UNC5CL: variants seen among roughly 807,000 people sequenced by gnomAD.
UNC5CL encodes UNC5C-like protein.
UNC5CL carries 42 observed loss-of-function variants against 54.1 expected under a neutral mutation model. The ratio of observed to expected loss-of-function variants is 0.78; its 90% confidence interval spans 0.61 to 1.00. UNC5CL has a LOEUF of 1.00. Among genes scored for constraint, UNC5CL ranks in the 50% least tolerant of loss-of-function variants. The pLI, the probability that UNC5CL is intolerant of heterozygous loss-of-function variation, is 0.00. For synonymous variants in UNC5CL, 285 were observed against 285.1 expected (o/e 1.00, Z 0.00); for missense variants, 619 against 675.6 (o/e 0.92, Z 0.93).
chr6:41,032,987 G>T lies in UNC5CL; in HGVS notation c.846C>A (p.Thr282=), dbSNP rs1762473701. ...GGCGCCCACCATGGGGCTGCTCGTT[G>T]GTCAGTGCCCACTGCAGGGCGCAGG... ...NTPCALQWAL[T]NEQPHGGRLR... Residue 282 remains threonine (T), a synonymous_variant, in exon 4 of 9, where the codon ACC becomes ACA. Coordinates refer to ENST00000244565, the MANE Select transcript of UNC5CL (RefSeq NM_173561.3). The T allele has an allele frequency of 1.2e-6, 2 of 1,604,502 alleles. 1 individual carries two copies. The highest frequency in any genetic ancestry group is 2.2e-5 in the South Asian group (2 of 89,400).
At chr6:41,035,246 C>T (rs574172630) in intron 1 of UNC5CL, 111 bp from the exon 2 acceptor site, 1 of 742,314 alleles carries the variant, frequency 1.3e-6, no homozygotes, top group South Asian at 2.8e-5. Flanking sequence ...ACACTGCACA[C>T]TTTAGTCACA....
chr6:41,035,082 G>A lies in UNC5CL; in HGVS notation c.-8C>T. 1 of 1,547,158 alleles carries A rather than the reference G, an allele frequency of 6.5e-7. No homozygotes were observed. Among genetic ancestry groups the A allele is most frequent in the Non-Finnish European group, 8.7e-7 (1 of 1,143,342 alleles). ...ACTCTCCTGGGGGCACATTCGCCTG[G>A]TTACTCAATGCCGCTGGCTCTCCTT... On this transcript the variant is annotated 5_prime_UTR_variant, in exon 2 of 9. Transcript: ENST00000244565.
intron 1 of UNC5CL, among the ~76,000 whole-genome samples, chr6:41,038,696 G>C (rs1027154257): frequency 2.6e-5 from 4 of 152,140 alleles, no homozygotes; most frequent in Admixed American, 6.5e-5. Context: ...AGATCACCCT[G>C]GGTAGCGGGT....
In UNC5CL at chr6:41,033,946, C is replaced by T. The variant is rs1453371359; in HGVS notation, c.621G>A (p.Arg207=). ...NTTLLDAKVW[R]PLGRPGAHAS... is the part of the protein sequence containing the mutation. ...CGTGGGCCCCCGGCCGCCCCAGGGG[C>T]CTCCATACCTTGGCATCCAGCAGGG... The change falls in exon 3 of 9, where the codon AGG becomes AGA. Residue 207 remains arginine, a synonymous_variant. Transcript: ENST00000244565. 6.2e-7 allele frequency: 1 copy of T among 1,613,974 alleles called. No individual in the cohort carries two copies. Among genetic ancestry groups the T allele is most frequent in the African/African-American group, 1.3e-5 (1 of 74,932 alleles).
Position 41,035,097 on chromosome 6 carries a change from T to C in UNC5CL, c.-23A>G. On this transcript the variant is annotated 5_prime_UTR_variant, in exon 2 of 9. Transcript: ENST00000244565. ...CATTCGCCTGGTTACTCAATGCCGCTGGCTCTCCTTCACCCCTGTGCCAGC... is the reference window on the plus strand; with the variant it reads ...CATTCGCCTGGTTACTCAATGCCGCCGGCTCTCCTTCACCCCTGTGCCAGC... 1.3e-6 allele frequency: 2 copies of C among 1,537,694 alleles called. No homozygotes were observed. Among genetic ancestry groups the C allele is most frequent in the Non-Finnish European group, 1.8e-6 (2 of 1,139,396 alleles).
chr6:41,035,957 A>G (rs1459857642), intron 1 of UNC5CL, among the ~76,000 whole-genome samples: 3 of 152,244 alleles, frequency 2.0e-5, no homozygotes, highest in Admixed American at 6.5e-5. Context: ...AAAAAAATCT[A>G]TAAGTGGAAA....
chr6:41,031,625 T>C, intron 6 of UNC5CL, 56 bp downstream of exon 6: 2 of 1,574,630 alleles, frequency 1.3e-6, no homozygotes, highest in East Asian at 2.2e-5. Flanking sequence ...TGTGCCCACT[T>C]TGCCTAGGAT....
intron 1 of UNC5CL, among the ~76,000 whole-genome samples, chr6:41,036,083 G>T (rs1446368269): frequency 6.6e-6 from 1 of 152,184 alleles, no homozygotes. Flanking sequence ...TATAGAGAAA[G>T]GTCTGGAGCA....
At chr6:41,030,589 C>T in intron 7 of UNC5CL, 66 bp downstream of exon 7, 2 of 1,610,894 alleles carry the variant, frequency 1.2e-6, no homozygotes, top group Non-Finnish European at 1.7e-6. Flanking sequence ...GCTGTAGTCA[C>T]CCTGTGGGTG....
In UNC5CL at chr6:41,028,474, C is replaced by A; in HGVS notation, c.1456G>T (p.Ala486Ser). ...GTCCCACTCAGGTAGTTCTGGATGG[C>A]GGAGGCGCAGTCTAGCCGCTCCATG... ...TVMERLDCAS[A>S]IQNYLSGTHG... The change falls in exon 9 of 9, where the codon GCC becomes TCC. Residue 486 changes from alanine (A) to serine (S), a missense_variant. Coordinates refer to ENST00000244565, the MANE Select transcript of UNC5CL (RefSeq NM_173561.3). The surrounding 1 kb of genome is among the most constrained non-coding windows in gnomAD (Gnocchi z 4.3). 2 of 1,613,712 alleles carry A rather than the reference C, an allele frequency of 1.2e-6. No homozygotes were observed. Among genetic ancestry groups the A allele is most frequent in the Non-Finnish European group, 1.7e-6 (2 of 1,179,992 alleles).
rs375124455 is a variant in UNC5CL, at chr6:41,034,743, C to T, written c.332G>A (p.Arg111His). 46 of 1,610,730 alleles carry T rather than the reference C, an allele frequency of 2.9e-5. No individual in the cohort carries two copies. The highest frequency in any genetic ancestry group is 1.7e-4 in the African/African-American group (13 of 74,924). The change falls in exon 2 of 9, where the codon CGC (arginine) becomes CAC (histidine). Residue 111 changes from arginine (R) to histidine (H), a missense_variant. By Grantham distance (29) the Arg-to-His change is conservative. Transcript: ENST00000244565. ...LVFSAREVDH[R>H]GGCLMLQDTG... ...ATCCTGGAGCATCAGGCAACCGCCG[C>T]GGTGATCCACCTCTCGAGCCGAAAA...
chr6:41,035,010 G>A lies in UNC5CL; in HGVS notation c.65C>T (p.Ala22Val). 6.2e-7 allele frequency: 1 copy of A among 1,602,302 alleles called. No homozygotes were observed. Among genetic ancestry groups the A allele is most frequent in the Non-Finnish European group, 8.5e-7 (1 of 1,170,752 alleles). The change falls in exon 2 of 9, where the codon GCA (alanine) becomes GTA (valine). Residue 22 changes from alanine to valine, a missense_variant. Physicochemically the swap from Ala to Val is moderately conservative, Grantham distance 64. Transcript: ENST00000244565. ...QFLLLVGVPV[A>V]SVLLLAQCLR... is the part of the protein sequence containing the mutation. ...GCATTGGGCCAGAAGGAGGACACTTGCCACTGGGACCCCCACCAGCAGTAG... is the reference window on the plus strand; with the variant it reads ...GCATTGGGCCAGAAGGAGGACACTTACCACTGGGACCCCCACCAGCAGTAG...
rs1047940655 is a variant in UNC5CL at position 41,027,364 on chromosome 6, A to G, written c.*1009T>C. ...GCACAGAGACTAGGCAGAAACAAAAAGATCTAAGACAGAGAGAGAGAGTAA... is the reference window on the plus strand; with the variant it reads ...GCACAGAGACTAGGCAGAAACAAAAGGATCTAAGACAGAGAGAGAGAGTAA... On this transcript the variant is annotated 3_prime_UTR_variant, in exon 9 of 9. Coordinates refer to ENST00000244565, the MANE Select transcript of UNC5CL (RefSeq NM_173561.3). 3 of 152,302 alleles carry G rather than the reference A, an allele frequency of 2.0e-5. No homozygotes were observed. Among genetic ancestry groups the G allele is most frequent in the Non-Finnish European group, 4.4e-5 (3 of 68,040 alleles). 9.4% of individuals were successfully genotyped at this position (152,302 alleles called of 1,614,324 possible).
chr6:41,031,799 G>T, intron 5 of UNC5CL, 51 bp from the exon 6 acceptor site: 1 of 1,582,700 alleles, frequency 6.3e-7, no homozygotes, highest in South Asian at 1.1e-5. Context: ...ACGGCCTGGG[G>T]TAAGAGCAGG....
Position 41,031,690 on chromosome 6 carries a change from G to A in UNC5CL, c.1110C>T (p.Thr370=). Residue 370 remains threonine, a synonymous_variant, in exon 6 of 9, where the codon ACC becomes ACT. Transcript: ENST00000244565. Reference sequence around the variant, plus strand: ...CTCAGCTCCAACTCACATCCTGGAAGGTGTGCATGGTGACAATGATCTCAT... The same window carrying A: ...CTCAGCTCCAACTCACATCCTGGAAAGTGTGCATGGTGACAATGATCTCAT... ...LTNEIIVTMH[T]FQDGLETKYM... 1 of 1,614,206 alleles carries A rather than the reference G, an allele frequency of 6.2e-7. No individual in the cohort carries two copies. The highest frequency in any genetic ancestry group is 1.7e-4 in the Middle Eastern group (1 of 6,056).
chr6:41,036,245 G>C (rs1561831124), intron 1 of UNC5CL, among the ~76,000 whole-genome samples: 2 of 152,114 alleles, frequency 1.3e-5, no homozygotes, highest in Non-Finnish European at 2.9e-5. Context: ...AAAATTATGA[G>C]ATATTTTTAC....
intron 6 of UNC5CL, 111 bp downstream of exon 6, chr6:41,031,570 T>G: frequency 1.8e-6 from 2 of 1,094,262 alleles, no homozygotes; most frequent in Non-Finnish European, 2.8e-6. Context: ...GAAAGTGCCA[T>G]CTTTACCTAT....
rs770683864 is a variant in UNC5CL, at chr6:41,028,623, G to A, written c.1335-28C>T. 7.5e-6 allele frequency: 12 copies of A among 1,603,928 alleles called. No individual in the cohort carries two copies. The African/African-American group carries it at 1.2e-4, about 16-fold the overall frequency. ...GGCCCGAGGTAGGGGAGGAAGAGAA[G>A]GGTGTAGGAGCAGGGAGGGGCTCCC... On this transcript the variant is annotated intron_variant, in intron 8 of 8. Transcript: ENST00000244565. This position sits in a 1 kb window ranked among gnomAD's most constrained non-coding sequence, Gnocchi z 4.3.
At position 41,027,255 on chromosome 6, in the gene UNC5CL, G is replaced by A. The variant is rs1272276798; in HGVS notation, c.*1118C>T. On this transcript the variant is annotated 3_prime_UTR_variant, in exon 9 of 9. Coordinates refer to ENST00000244565, the MANE Select transcript of UNC5CL (RefSeq NM_173561.3). ...AGCCCTGTCTCTTTCAACAGTCTTT[G>A]ATACATAACATTGGTTTAGAGACAT... is the stretch of plus-strand genomic sequence containing the variant. 6.6e-6 allele frequency: 1 copy of A among 152,202 alleles called. No individual in the cohort carries two copies. The highest frequency in any genetic ancestry group is 2.4e-5 in the African/African-American group (1 of 41,442). 9.4% of individuals were successfully genotyped at this position (152,202 alleles called of 1,614,324 possible).
Sources: gnomAD v4.1 joint callset for allele counts (sites outside exome capture counted in the v4.1 genomes callset) on GRCh38, gnomAD v4.1.1 for gene constraint, Gnocchi (gnomAD v3.1) non-coding constraint, MANE v1.5 for transcripts, NCBI Gene and HGNC (gene_info 2026-07-23, HGNC 2026-07-21) for gene names.